The following FBXL7 variants were observed in gnomAD, a reference collection of about 807,000 sequenced individuals.
FBXL7 encodes F-box and leucine rich repeat protein 7.
Under a neutral mutation model 38.3 loss-of-function variants are expected in FBXL7, and 12 were observed. That is an observed-to-expected ratio of 0.31 (90% CI 0.20 to 0.51). The LOEUF (loss-of-function observed/expected upper bound fraction) is 0.51. Ranked by LOEUF, FBXL7 falls within the 20% of genes least tolerant of loss-of-function variation. The pLI is 0.98. For synonymous variants in FBXL7, 297 were observed against 300.9 expected (o/e 0.99, Z 0.13); for missense variants, 567 against 676.4 (o/e 0.84, Z 1.79).
intron 2 of FBXL7, among the ~76,000 whole-genome samples, chr5:15,686,445 A>G (rs1561085154): frequency 1.3e-5 from 2 of 152,178 alleles, no homozygotes; most frequent in African/African-American, 4.8e-5. Context: ...TATCAAACCA[A>G]GCAGTCTTCC....
rs968574990 is a variant in FBXL7, at chr5:15,501,866, A to G, written c.37+1153A>G. ...TTTTGACTTCCATATGTGCATGTGT[A>G]TGTGTGTGTGTGTGTGTGTGTGTGT... On this transcript the variant is annotated intron_variant, in intron 1 of 3. Transcript: ENST00000504595. 2.1e-3 allele frequency: 483 copies of G among 224,916 alleles called. 9 individuals carry two copies. Among genetic ancestry groups the G allele is most frequent in the Admixed American group, 0.021 (311 of 14,628 alleles). 13.9% of individuals were successfully genotyped at this position (224,916 alleles called of 1,614,324 possible). A position where few individuals can be genotyped will look rare whatever the true frequency, so the allele number is the denominator to read the frequency against.
chr5:15,905,525 GTT>G (rs201820723), intron 2 of FBXL7, among the ~76,000 whole-genome samples: 1 of 141,452 alleles, frequency 7.1e-6, no homozygotes. Flanking sequence ...AAATGGTGTT[GTT>G]TTTTTTTTTG....
intron 2 of FBXL7, among the ~76,000 whole-genome samples, chr5:15,672,737 A>T (rs1209633937): frequency 6.6e-6 from 1 of 151,916 alleles, no homozygotes. Flanking sequence ...TATTTTTAGT[A>T]GAGATGGGGT....
chr5:15,685,635 G>A (rs922099315), intron 2 of FBXL7, among the ~76,000 whole-genome samples: 1 of 152,184 alleles, frequency 6.6e-6, no homozygotes, highest in Non-Finnish European at 1.5e-5. Context: ...AAGACAGGCA[G>A]AACTGAGTTC....
At chr5:15,625,362 C>T (rs1242475753) in intron 2 of FBXL7, among the ~76,000 whole-genome samples, 1 of 151,972 alleles carries the variant, frequency 6.6e-6, no homozygotes, top group Non-Finnish European at 1.5e-5. Context: ...TTAAAAAAAA[C>T]TGAGCCACAG....
At chr5:15,890,972 G>C (rs1326687343) in intron 2 of FBXL7, among the ~76,000 whole-genome samples, 2 of 151,858 alleles carry the variant, frequency 1.3e-5, no homozygotes, top group African/African-American at 4.8e-5. Flanking sequence ...AAAAAAACTT[G>C]AAAATCTATT....
At chr5:15,804,289 G>A (rs773623878) in intron 2 of FBXL7, among the ~76,000 whole-genome samples, 3 of 151,950 alleles carry the variant, frequency 2.0e-5, no homozygotes, top group Non-Finnish European at 2.9e-5. Context: ...ACAACACAGA[G>A]AGACCCCATC....
intron 2 of FBXL7, among the ~76,000 whole-genome samples, chr5:15,775,061 A>G (rs1273690596): frequency 6.6e-6 from 1 of 152,226 alleles, no homozygotes; most frequent in Non-Finnish European, 1.5e-5. Context: ...TGATTTTTAA[A>G]TAATTGAAAC....
intron 2 of FBXL7, among the ~76,000 whole-genome samples, chr5:15,783,849 T>C (rs1296202151): frequency 6.6e-6 from 1 of 152,170 alleles, no homozygotes; most frequent in South Asian, 2.1e-4. Context: ...AATGGAGTTT[T>C]GGATCAGGAT....
At chr5:15,528,045 T>C (rs1363735251) in intron 1 of FBXL7, among the ~76,000 whole-genome samples, 2 of 152,234 alleles carry the variant, frequency 1.3e-5, no homozygotes, top group Admixed American at 1.3e-4. Flanking sequence ...GTCCTAATTA[T>C]TTGGATATGC....
intron 2 of FBXL7, among the ~76,000 whole-genome samples, chr5:15,642,458 A>C (rs1475165007): frequency 1.3e-5 from 2 of 152,190 alleles, no homozygotes; most frequent in Admixed American, 1.3e-4. Context: ...AATTTCTAAA[A>C]CATAGAAGCT....
rs397996852 is a variant in FBXL7 at position 15,571,092 on chromosome 5, TA to T, written c.38-44873del. On this transcript the variant is annotated intron_variant, in intron 1 of 3. Coordinates refer to ENST00000504595, the MANE Select transcript of FBXL7 (RefSeq NM_012304.5). ...GGGCAACAGAGCAAGATTCTGTCTT[TA>T]AAAAAAAAAAAAAAAAAGAAAAAAG... is the stretch of plus-strand genomic sequence containing the variant. Among the ~76,000 whole-genome samples, 561 of 129,256 alleles carry T rather than the reference TA, an allele frequency of 4.3e-3. 1 individual carries two copies. The highest frequency in any genetic ancestry group is 8.5e-3 in the African/African-American group (296 of 34,860). 84.8% of individuals were successfully genotyped at this position (129,256 alleles called of 152,430 possible). A position where few individuals can be genotyped will look rare whatever the true frequency, so the allele number is the denominator to read the frequency against.
chr5:15,709,990 C>A (rs2126641499), intron 2 of FBXL7, among the ~76,000 whole-genome samples: 1 of 152,284 alleles, frequency 6.6e-6, no homozygotes, highest in East Asian at 1.9e-4. Flanking sequence ...CACACTGGGT[C>A]TTAGGTTCCA....
chr5:15,527,686 C>A (rs1247965564), intron 1 of FBXL7, among the ~76,000 whole-genome samples: 1 of 152,180 alleles, frequency 6.6e-6, no homozygotes, highest in East Asian at 1.9e-4. Context: ...CCATTTCCTT[C>A]CAGTTGTATG....
intron 1 of FBXL7, among the ~76,000 whole-genome samples, chr5:15,615,055 T>C (rs878976851): frequency 1.3e-5 from 2 of 152,170 alleles, no homozygotes; most frequent in Admixed American, 6.5e-5. Context: ...CGGACATGGA[T>C]ACCATGAGGG....
chr5:15,501,866 ATGTGTGTGTG>A (rs70938014), intron 1 of FBXL7: 161 of 224,698 alleles, frequency 7.2e-4, no homozygotes, highest in Non-Finnish European at 1.1e-3. Context: ...GTGCATGTGT[ATGTGTGTGTG>A]TGTGTGTGTG....
At chr5:15,924,616 CG>C (rs1171641573) in intron 2 of FBXL7, among the ~76,000 whole-genome samples, 1 of 149,452 alleles carries the variant, frequency 6.7e-6, no homozygotes, top group African/African-American at 2.5e-5. Flanking sequence ...GTCTGCTTCA[CG>C]GGTCTCTCAT....
At chr5:15,761,607 G>A (rs1262586387) in intron 2 of FBXL7, among the ~76,000 whole-genome samples, 3 of 152,100 alleles carry the variant, frequency 2.0e-5, no homozygotes, top group Non-Finnish European at 4.4e-5. Flanking sequence ...GCTATAGCAC[G>A]ATCTCTGCTC....
chr5:15,564,159 A>G (rs996480846), intron 1 of FBXL7, among the ~76,000 whole-genome samples: 3 of 152,090 alleles, frequency 2.0e-5, no homozygotes, highest in African/African-American at 7.2e-5. Flanking sequence ...CTTCCTATCA[A>G]AGGGCTCTGG....
Sources: gnomAD v4.1 joint callset for allele counts (sites outside exome capture counted in the v4.1 genomes callset) on GRCh38, gnomAD v4.1.1 for gene constraint, MANE v1.5 for transcripts, NCBI Gene and HGNC (gene_info 2026-07-23, HGNC 2026-07-21) for gene names.